The following METAP2 variants were observed in gnomAD, a reference collection of about 807,000 sequenced individuals.
METAP2 encodes the protein methionyl aminopeptidase 2.
Under a neutral mutation model 59.4 loss-of-function variants are expected in METAP2, and 25 were observed. That is an observed-to-expected ratio of 0.42 (90% CI 0.31 to 0.59). The LOEUF (loss-of-function observed/expected upper bound fraction) is 0.59, where lower values mean the gene tolerates loss of function less well. Ranked by LOEUF, METAP2 falls within the 20% of genes least tolerant of loss-of-function variation. The pLI, the probability that METAP2 is intolerant of heterozygous loss-of-function variation, is 0.16. For synonymous variants in METAP2, 214 were observed against 194.1 expected (o/e 1.10, Z -0.85); for missense variants, 366 against 581.2 (o/e 0.63, Z 3.81).
In METAP2 at chr12:95,487,591, A is replaced by ATT. The variant is rs5800209; in HGVS notation, c.428+1624_428+1625dup. ...ATTTATTTTTAAATATAATCTCTTAATTTTTTTTTTTTTTTGCTTGTTCCC... is the reference window on the plus strand; with the variant it reads ...ATTTATTTTTAAATATAATCTCTTAATTTTTTTTTTTTTTTTTGCTTGTTCCC... On this transcript the variant is annotated intron_variant, in intron 4 of 10. Coordinates refer to ENST00000323666, the MANE Select transcript of METAP2 (RefSeq NM_006838.4). Among the ~76,000 whole-genome samples the ATT allele has an allele frequency of 8.2e-3, 1,155 of 141,388 alleles. 4 individuals are homozygous for ATT. Among genetic ancestry groups the ATT allele is most frequent in the Middle Eastern group, 0.015 (4 of 268 alleles). 92.8% of individuals were successfully genotyped at this position (141,388 alleles called of 152,430 possible).
chr12:95,499,013 C>G (rs61938052), intron 7 of METAP2, among the ~76,000 whole-genome samples: 3 of 133,682 alleles, frequency 2.2e-5, no homozygotes, highest in Admixed American at 1.8e-4. Flanking sequence ...AAGACCCTGT[C>G]CCAAAAAAAA....
intron 7 of METAP2, among the ~76,000 whole-genome samples, chr12:95,497,825 A>T (rs547352095): frequency 1.3e-5 from 2 of 151,896 alleles, no homozygotes; most frequent in East Asian, 3.9e-4. Context: ...TTATTTATTT[A>T]TTTTTTAATT....
At chr12:95,475,032 C>G (rs1229656339) in intron 1 of METAP2, among the ~76,000 whole-genome samples, 2 of 152,166 alleles carry the variant, frequency 1.3e-5, no homozygotes, top group African/African-American at 4.8e-5. Context: ...AATGGAACTT[C>G]TGAGGTCTTA....
chr12:95,477,253 A>G (rs301012), intron 2 of METAP2, among the ~76,000 whole-genome samples: 97,317 of 151,824 alleles, frequency 0.64, 32,222 homozygotes, highest in African/African-American at 0.81. Flanking sequence ...GCCTGCCACC[A>G]TGCCCAACTA....
intron 4 of METAP2, among the ~76,000 whole-genome samples, chr12:95,488,535 AAAAAT>A (rs1282630839): frequency 3.6e-5 from 5 of 138,646 alleles, no homozygotes; most frequent in African/African-American, 1.3e-4. Context: ...AAAAAAAAAA[AAAAAT>A]ACTTCTGAGT....
chr12:95,500,461 G>C (rs2076307369), intron 7 of METAP2, among the ~76,000 whole-genome samples: 1 of 152,146 alleles, frequency 6.6e-6, no homozygotes, highest in African/African-American at 2.4e-5. Context: ...TCCTTGACTT[G>C]TTTGTGATCT....
At chr12:95,492,096 C>T (rs1318178457) in intron 4 of METAP2, among the ~76,000 whole-genome samples, 1 of 151,544 alleles carries the variant, frequency 6.6e-6, no homozygotes, top group Non-Finnish European at 1.5e-5. Flanking sequence ...GCATGAGCCA[C>T]TGCACCTGGC....
At chr12:95,503,212 A>G (rs1352954966) in intron 7 of METAP2, among the ~76,000 whole-genome samples, 1 of 151,692 alleles carries the variant, frequency 6.6e-6, no homozygotes, top group Non-Finnish European at 1.5e-5. Context: ...TTTCTTTCAG[A>G]TTTTTTGTGT....
intron 3 of METAP2, 80 bp from the exon 4 acceptor site, chr12:95,485,799 A>T: frequency 1.1e-6 from 1 of 918,256 alleles, no homozygotes; most frequent in Non-Finnish European, 1.6e-6. Context: ...TATAACAACC[A>T]TTAGGAACTG....
At position 95,512,105 on chromosome 12, in the gene METAP2, A is replaced by G. The variant is rs190731563; in HGVS notation, c.1068+107A>G. The stretch of plus-strand genomic sequence containing the variant: ...TTATACTGACCAGAATTAGCTGCTT[A>G]TCATCCATATTCACCCTGCCAGGAA... On this transcript the variant is annotated intron_variant, in intron 9 of 10. Coordinates refer to ENST00000323666, the MANE Select transcript of METAP2 (RefSeq NM_006838.4). The G allele has an allele frequency of 1.7e-3, 1,199 of 704,816 alleles. 2 individuals carry two copies. Among genetic ancestry groups the G allele is most frequent in the Non-Finnish European group, 2.4e-3 (1,034 of 434,550 alleles). 43.7% of individuals were successfully genotyped at this position (704,816 alleles called of 1,614,324 possible).
At chr12:95,500,152 T>G (rs1167608658) in intron 7 of METAP2, among the ~76,000 whole-genome samples, 2 of 124,538 alleles carry the variant, frequency 1.6e-5, no homozygotes, top group Non-Finnish European at 3.4e-5. Flanking sequence ...AATTCCTAAG[T>G]TTTTTTTTTT....
At position 95,483,475 on chromosome 12, in the gene METAP2, CAAAAAA is replaced by C. The variant is rs141083015; in HGVS notation, c.325+213_325+218del. 569 of 66,624 alleles carry C rather than the reference CAAAAAA, an allele frequency of 8.5e-3. 2 individuals carry two copies. Among genetic ancestry groups the C allele is most frequent in the African/African-American group, 0.032 (526 of 16,368 alleles). The allele number at this position is 66,624 out of a possible 1,614,324, so 4.1% of individuals were successfully genotyped here. A position where few individuals can be genotyped will look rare whatever the true frequency, so the allele number is the denominator to read the frequency against. ...TGGGCAACAGAGTGAGACTCTGTCT[CAAAAAA>C]AAAAAAAAAAAAAAAAAGAAGTGGT... is the stretch of plus-strand genomic sequence containing the variant. On this transcript the variant is annotated intron_variant, in intron 3 of 10. Coordinates refer to ENST00000323666, the MANE Select transcript of METAP2 (RefSeq NM_006838.4).
chr12:95,504,277 G>A (rs1479895192), intron 8 of METAP2, 116 bp downstream of exon 8: 11 of 694,714 alleles, frequency 1.6e-5, no homozygotes, highest in South Asian at 3.8e-5. Flanking sequence ...GAAAGAAGAC[G>A]GGAAATGACC....
At chr12:95,503,237 T>C (rs1419070672) in intron 7 of METAP2, among the ~76,000 whole-genome samples, 1 of 152,208 alleles carries the variant, frequency 6.6e-6, no homozygotes, top group Non-Finnish European at 1.5e-5. Flanking sequence ...TTTTTTGTTT[T>C]TCATTCTTGT....
intron 8 of METAP2, among the ~76,000 whole-genome samples, chr12:95,506,795 C>CTTATTTATTTATTTAT (rs56755873): frequency 0.077 from 11,368 of 147,258 alleles, 595 homozygotes; most frequent in African/African-American, 0.13. Context: ...AAGCAGAATA[C>CTTATTTATTTATTTAT]TTATTTATTT....
intron 3 of METAP2, among the ~76,000 whole-genome samples, chr12:95,484,554 A>G (rs2076181953): frequency 6.6e-6 from 1 of 152,046 alleles, no homozygotes; most frequent in Non-Finnish European, 1.5e-5. Flanking sequence ...CTGAAGGCAG[A>G]CCAGCAGGGA....
chr12:95,476,583 C>T (rs1161150184), intron 2 of METAP2, among the ~76,000 whole-genome samples: 2 of 150,910 alleles, frequency 1.3e-5, no homozygotes, highest in Non-Finnish European at 1.5e-5. Context: ...TTTATTTACT[C>T]GTATAGTGTT....
chr12:95,482,141 C>T (rs1033090670), intron 2 of METAP2: 6 of 453,364 alleles, frequency 1.3e-5, no homozygotes, highest in Non-Finnish European at 2.7e-5. Context: ...CAAGATCTCC[C>T]TCCCGTCACC....
intron 7 of METAP2, among the ~76,000 whole-genome samples, chr12:95,500,292 ACTT>A (rs1387504424): frequency 1.3e-5 from 2 of 152,042 alleles, no homozygotes; most frequent in African/African-American, 2.4e-5. Flanking sequence ...TTATTCTGAC[ACTT>A]CTTTTGTGTG....
Sources: allele counts gnomAD v4.1 joint callset (sites outside exome capture counted in the v4.1 genomes callset), GRCh38; gene constraint gnomAD v4.1.1; transcripts MANE v1.5; gene names NCBI Gene and HGNC (gene_info 2026-07-23, HGNC 2026-07-21).